Variants in ZNF804B observed in about 807,000 individuals in gnomAD.
ZNF804B encodes the protein zinc finger 804B.
Under a neutral mutation model 101.4 loss-of-function variants are expected in ZNF804B, and 80 were observed. The observed-to-expected ratio is 0.79, with a 90% confidence interval of 0.66 to 0.95. The LOEUF (loss-of-function observed/expected upper bound fraction) is 0.95. ZNF804B is among the 40% of genes least tolerant of loss of function. The pLI is 0.00. For synonymous variants in ZNF804B, 622 were observed against 558.8 expected (o/e 1.11, Z -1.59); for missense variants, 1,673 against 1,561.9 (o/e 1.07, Z -1.20).
chr7:89,307,159 A>G (rs1341007497), intron 2 of ZNF804B, among the ~76,000 whole-genome samples: 3 of 151,974 alleles, frequency 2.0e-5, no homozygotes, highest in African/African-American at 7.2e-5. Flanking sequence ...AAGTAACATT[A>G]TTTTATTTTT....
At chr7:88,952,400 G>A (rs960470579) in intron 1 of ZNF804B, among the ~76,000 whole-genome samples, 19 of 151,758 alleles carry the variant, frequency 1.3e-4, no homozygotes, top group Non-Finnish European at 1.9e-4. Flanking sequence ...ATGGGACCAA[G>A]GTGGATAACT....
chr7:89,170,109 A>G (rs567183902), intron 1 of ZNF804B, among the ~76,000 whole-genome samples: 63 of 152,364 alleles, frequency 4.1e-4, no homozygotes, highest in Non-Finnish European at 7.9e-4. Context: ...TTTAGAAGGC[A>G]TGCATTTACT....
chr7:88,893,416 A>G (rs1294956994), intron 1 of ZNF804B, among the ~76,000 whole-genome samples: 1 of 152,114 alleles, frequency 6.6e-6, no homozygotes, highest in Non-Finnish European at 1.5e-5. Context: ...CTTTAAAATT[A>G]TTTTAAAAAT....
At chr7:89,096,170 A>AG (rs1207938733) in intron 1 of ZNF804B, among the ~76,000 whole-genome samples, 2 of 129,120 alleles carry the variant, frequency 1.5e-5, no homozygotes, top group Non-Finnish European at 3.4e-5. Flanking sequence ...AAAAAAAAAA[A>AG]AGAAAATCAG....
intron 2 of ZNF804B, among the ~76,000 whole-genome samples, chr7:89,221,256 A>G (rs372875199): frequency 4.9e-4 from 74 of 152,110 alleles, no homozygotes; most frequent in African/African-American, 1.7e-3. Flanking sequence ...TAGATAGATT[A>G]CGTCTGTAAA....
At chr7:88,832,249 C>T (rs1221664832) in intron 1 of ZNF804B, among the ~76,000 whole-genome samples, 1 of 151,820 alleles carries the variant, frequency 6.6e-6, no homozygotes, top group East Asian at 1.9e-4. Flanking sequence ...TTTGCCTGTG[C>T]TTAAAGTTAT....
chr7:88,946,079 A>T (rs1295763503), intron 1 of ZNF804B, among the ~76,000 whole-genome samples: 2 of 152,040 alleles, frequency 1.3e-5, no homozygotes, highest in African/African-American at 4.8e-5. Flanking sequence ...AATACACTTT[A>T]TTTCTTTCTC....
At chr7:88,881,225 A>T (rs1372186914) in intron 1 of ZNF804B, among the ~76,000 whole-genome samples, 1 of 152,136 alleles carries the variant, frequency 6.6e-6, no homozygotes. Flanking sequence ...GCTAATTTTC[A>T]TACAACTTTA....
intron 1 of ZNF804B, among the ~76,000 whole-genome samples, chr7:88,787,393 GAGTA>G (rs1050693077): frequency 4.8e-5 from 7 of 146,080 alleles, no homozygotes; most frequent in African/African-American, 7.6e-5. Flanking sequence ...TGAACTCTGT[GAGTA>G]AGTGTTTATG....
At chr7:89,003,856 C>T (rs532954372) in intron 1 of ZNF804B, among the ~76,000 whole-genome samples, 168 of 151,928 alleles carry the variant, frequency 1.1e-3, no homozygotes, top group African/African-American at 3.6e-3. Context: ...TTTATGGTAC[C>T]ACTTCCTTTA....
chr7:89,163,704 A>G (rs1386553305), intron 1 of ZNF804B, among the ~76,000 whole-genome samples: 2 of 152,166 alleles, frequency 1.3e-5, no homozygotes, highest in African/African-American at 2.4e-5. Context: ...TGAATTTTCA[A>G]TGACTAAAGT....
chr7:88,778,167 GT>G lies in ZNF804B; in HGVS notation c.108+18091del, dbSNP rs577507519. Reference sequence around the variant, plus strand: ...CTCTCAAAAGAGAATTCATTTTAATGTTTTTTTTCCAGCTTCTAGATAGAAG... The same window carrying G: ...CTCTCAAAAGAGAATTCATTTTAATGTTTTTTTCCAGCTTCTAGATAGAAG... On this transcript the variant is annotated intron_variant, in intron 1 of 3. Coordinates refer to ENST00000333190, the MANE Select transcript of ZNF804B (RefSeq NM_181646.5). Among the ~76,000 whole-genome samples, 5 of 151,978 alleles carry G rather than the reference GT, an allele frequency of 3.3e-5. No individual in the cohort carries two copies. The East Asian group carries it at 9.7e-4, about 29-fold the overall frequency.
chr7:89,024,874 C>T (rs2116221589), intron 1 of ZNF804B, among the ~76,000 whole-genome samples: 1 of 151,774 alleles, frequency 6.6e-6, no homozygotes, highest in Non-Finnish European at 1.5e-5. Context: ...ACCTCAATCA[C>T]AATTATCCCA....
intron 2 of ZNF804B, among the ~76,000 whole-genome samples, chr7:89,295,645 A>C (rs948380628): frequency 6.6e-6 from 1 of 152,092 alleles, no homozygotes; most frequent in Admixed American, 6.6e-5. Context: ...GCATATTGAA[A>C]AATACAGATT....
At chr7:89,093,619 T>C (rs1450793044) in intron 1 of ZNF804B, among the ~76,000 whole-genome samples, 41 of 152,256 alleles carry the variant, frequency 2.7e-4, no homozygotes, top group Admixed American at 2.7e-3. Flanking sequence ...CACATTGCCC[T>C]GTTTGTACGA....
intron 1 of ZNF804B, among the ~76,000 whole-genome samples, chr7:88,845,227 G>T (rs1791350637): frequency 6.6e-6 from 1 of 151,850 alleles, no homozygotes; most frequent in Admixed American, 6.6e-5. Context: ...GGTTTAAAAG[G>T]TAGAAAGGTA....
At chr7:89,324,422 A>G (rs993334608) in intron 2 of ZNF804B, among the ~76,000 whole-genome samples, 1 of 151,804 alleles carries the variant, frequency 6.6e-6, no homozygotes, top group South Asian at 2.1e-4. Context: ...TTTTGTCCTC[A>G]TTTTTAAAAA....
chr7:89,251,453 C>T (rs931308897), intron 2 of ZNF804B, among the ~76,000 whole-genome samples: 1 of 152,060 alleles, frequency 6.6e-6, no homozygotes, highest in East Asian at 1.9e-4. Context: ...ATAGGTAATA[C>T]AAACAAATAG....
chr7:88,970,230 T>A (rs1342549502), intron 1 of ZNF804B, among the ~76,000 whole-genome samples: 1 of 151,678 alleles, frequency 6.6e-6, no homozygotes, highest in Non-Finnish European at 1.5e-5. Context: ...GGGATACATG[T>A]GCAGGATGTG....
Sources: allele counts gnomAD v4.1 joint callset (sites outside exome capture counted in the v4.1 genomes callset), GRCh38; gene constraint gnomAD v4.1.1; transcripts MANE v1.5; gene names NCBI Gene and HGNC (gene_info 2026-07-23, HGNC 2026-07-21).